Variants in FOLH1 observed in about 807,000 individuals in gnomAD.
The protein encoded by FOLH1 is glutamate carboxypeptidase 2.
A neutral mutation model predicts 93.9 loss-of-function variants in FOLH1; 54 were observed. That is an observed-to-expected ratio of 0.57 (90% CI 0.46 to 0.72). The LOEUF is 0.72. FOLH1 is among the 30% of genes least tolerant of loss of function. The probability of loss-of-function intolerance (pLI) is 0.00; values close to 1 mark genes in which losing one functional copy is unlikely to be tolerated. For missense variants in FOLH1, 571 were observed against 892.5 expected (o/e 0.64, Z 4.59); for synonymous variants, 249 against 303.6 (o/e 0.82, Z 1.87).
rs1329775352 is a variant in FOLH1 at position 49,168,924 on chromosome 11, T to C, written c.1372+271A>G. ...GAATGCTGCTTTTCTGAATTAGTAC[T>C]CTATACTTCAAAGCAAAAAAAAAGT... On this transcript the variant is annotated intron_variant, in intron 12 of 18. Transcript: ENST00000256999. 2.0e-5 allele frequency among the ~76,000 whole-genome samples: 3 copies of C among 151,704 alleles called. No individual in the cohort carries two copies. The East Asian group carries it at 5.8e-4, about 29-fold the overall frequency.
intron 16 of FOLH1, 40 bp downstream of exon 16, chr11:49,154,188 C>A: frequency 6.2e-7 from 1 of 1,605,504 alleles, no homozygotes; most frequent in Middle Eastern, 1.7e-4. Flanking sequence ...ATTAATAGAA[C>A]CATACAGATG....
At chr11:49,155,982 T>C (rs900225844) in intron 15 of FOLH1, among the ~76,000 whole-genome samples, 16 of 151,474 alleles carry the variant, frequency 1.1e-4, no homozygotes, top group African/African-American at 3.6e-4. Flanking sequence ...TGGGAGGTAA[T>C]TGAATCATGG....
chr11:49,208,254 G>C (rs1211004099), intron 1 of FOLH1, 38 bp downstream of exon 1: 1 of 1,401,918 alleles, frequency 7.1e-7, no homozygotes, highest in African/African-American at 1.4e-5. Flanking sequence ...GCACCACGGG[G>C]AAGACTCCGA....
intron 7 of FOLH1, among the ~76,000 whole-genome samples, chr11:49,182,194 T>C (rs1860827302): frequency 6.6e-6 from 1 of 151,718 alleles, no homozygotes; most frequent in African/African-American, 2.4e-5. Flanking sequence ...CCGGGCATAG[T>C]GGTGGGCACC....
Position 49,146,352 on chromosome 11 carries a change from AG to A in FOLH1, c.*403del, listed in dbSNP as rs1168624084. 6.6e-6 allele frequency among the ~76,000 whole-genome samples: 1 copy of A among 152,242 alleles called. No individual in the cohort carries two copies. The highest frequency in any genetic ancestry group is 1.9e-4 in the East Asian group (1 of 5,188). ...TCCTCTCAGCCCAGGCTGGCCAGGT[AG>A]GCCGTGAGGCCTCTGGCTTGGGATA... On this transcript the variant is annotated 3_prime_UTR_variant, in exon 19 of 19. Coordinates refer to ENST00000256999, the MANE Select transcript of FOLH1 (RefSeq NM_004476.3).
chr11:49,165,839 G>A (rs1175639808), intron 12 of FOLH1, among the ~76,000 whole-genome samples: 1 of 152,130 alleles, frequency 6.6e-6, no homozygotes, highest in Non-Finnish European at 1.5e-5. Flanking sequence ...AAATTTATCT[G>A]GAAGAATAAA....
chr11:49,176,060 T>C, intron 7 of FOLH1, 103 bp from the exon 8 acceptor site: 2 of 1,016,984 alleles, frequency 2.0e-6, no homozygotes, highest in Non-Finnish European at 3.0e-6. Context: ...ATAATATCTT[T>C]AATGAGTGCA....
chr11:49,187,707 C>T (rs1301745037), intron 4 of FOLH1, among the ~76,000 whole-genome samples: 3 of 152,144 alleles, frequency 2.0e-5, no homozygotes, highest in South Asian at 2.1e-4. Flanking sequence ...TCCAGATTCA[C>T]GGTCAATGAA....
chr11:49,164,022 T>C (rs554499532), intron 13 of FOLH1, among the ~76,000 whole-genome samples: 73 of 152,298 alleles, frequency 4.8e-4, no homozygotes, highest in South Asian at 2.3e-3. Context: ...GTTTCCTTGA[T>C]TAGTCCCAAT....
chr11:49,165,148 A>G (rs895468226), intron 12 of FOLH1, among the ~76,000 whole-genome samples: 5 of 152,046 alleles, frequency 3.3e-5, no homozygotes, highest in Non-Finnish European at 7.4e-5. Flanking sequence ...CCCTACCTAA[A>G]ATAGCACTCT....
At chr11:49,156,858 C>G in intron 14 of FOLH1, 51 bp from the exon 15 acceptor site, 1 of 1,605,152 alleles carries the variant, frequency 6.2e-7, no homozygotes, top group Non-Finnish European at 8.5e-7. Flanking sequence ...GTTCATTAAG[C>G]ACAGATTACA....
rs186024147 is a variant in FOLH1 at position 49,203,875 on chromosome 11, G to A, written c.224+2192C>T. Among the ~76,000 whole-genome samples the A allele has an allele frequency of 1.3e-3, 200 of 152,278 alleles. 1 individual carries two copies. The highest frequency in any genetic ancestry group is 2.4e-3 in the Non-Finnish European group (166 of 68,022). On this transcript the variant is annotated intron_variant, in intron 2 of 18. Transcript: ENST00000256999. ...GTGATGGTTCAGTTCAGCATTGATC[G>A]CATTGCCTCTCTAAAAATGATTTAG...
At chr11:49,169,716 A>C (rs2135057057) in intron 11 of FOLH1, among the ~76,000 whole-genome samples, 1 of 152,370 alleles carries the variant, frequency 6.6e-6, no homozygotes, top group East Asian at 1.9e-4. Flanking sequence ...TACGAAAAAT[A>C]AGTGAACTTA....
rs573204415 is a variant in FOLH1 at position 49,190,423 on chromosome 11, C to T, written c.513+2370G>A. 2.0e-5 allele frequency among the ~76,000 whole-genome samples: 3 copies of T among 152,314 alleles called. No individual in the cohort carries two copies. In the South Asian group the frequency reaches 6.2e-4, roughly 32 times the overall value. ...AACTTACACTGTACCATCCATTGTT[C>T]TATGACTGTGAATAAATAGAATCTT... On this transcript the variant is annotated intron_variant, in intron 4 of 18. Transcript: ENST00000256999.
At chr11:49,165,620 T>TG (rs1858292443) in intron 12 of FOLH1, among the ~76,000 whole-genome samples, 1 of 152,110 alleles carries the variant, frequency 6.6e-6, no homozygotes, top group Admixed American at 6.6e-5. Context: ...AGGACACAGT[T>TG]GGGGGGAAAA....
intron 9 of FOLH1, among the ~76,000 whole-genome samples, chr11:49,174,128 T>C (rs1255435019): frequency 6.6e-6 from 1 of 152,144 alleles, no homozygotes; most frequent in Non-Finnish European, 1.5e-5. Context: ...ATGCTTATCA[T>C]GGAACTGGCA....
At chr11:49,149,331 T>C (rs1474780305) in intron 17 of FOLH1, among the ~76,000 whole-genome samples, 1 of 152,164 alleles carries the variant, frequency 6.6e-6, no homozygotes. Context: ...GAGCCTGATA[T>C]GACTTTCTGG....
chr11:49,166,940 T>C (rs1439193811), intron 12 of FOLH1, among the ~76,000 whole-genome samples: 1 of 152,070 alleles, frequency 6.6e-6, no homozygotes, highest in African/African-American at 2.4e-5. Flanking sequence ...TCCCAGCTAC[T>C]TGGGAGGCTG....
chr11:49,193,903 T>C (rs1862332834), intron 3 of FOLH1, among the ~76,000 whole-genome samples: 1 of 152,074 alleles, frequency 6.6e-6, no homozygotes, highest in African/African-American at 2.4e-5. Context: ...CTCACGCCTG[T>C]AATCCCAGCA....
Sources: gnomAD v4.1 joint callset for allele counts (sites outside exome capture counted in the v4.1 genomes callset) on GRCh38, gnomAD v4.1.1 for gene constraint, MANE v1.5 for transcripts, NCBI Gene and HGNC (gene_info 2026-07-23, HGNC 2026-07-21) for gene names.